The following SNX29 variants were observed in gnomAD, a reference collection of about 807,000 sequenced individuals.
The protein encoded by SNX29 is sorting nexin 29.
SNX29 carries 78 observed loss-of-function variants against 102.1 expected under a neutral mutation model. The ratio of observed to expected loss-of-function variants is 0.76; its 90% CI spans 0.64 to 0.92. SNX29 has a LOEUF of 0.92. Ranked by LOEUF, SNX29 falls within the 40% of genes least tolerant of loss-of-function variation. The pLI is 0.00. For synonymous variants in SNX29, 580 were observed against 414.5 expected (o/e 1.40, Z -4.85); for missense variants, 1,280 against 1,061.7 (o/e 1.21, Z -2.86).
chr16:12,022,410 A>G (rs2151098477), intron 3 of SNX29, among the ~76,000 whole-genome samples: 1 of 152,272 alleles, frequency 6.6e-6, no homozygotes, highest in Admixed American at 6.5e-5. Context: ...CATGTTGGCC[A>G]GGTTGGTCTT....
chr16:12,264,438 G>A (rs2078866905), intron 14 of SNX29, among the ~76,000 whole-genome samples: 2 of 152,208 alleles, frequency 1.3e-5, no homozygotes, highest in African/African-American at 4.8e-5. Context: ...TAACTCTGCT[G>A]CTTTAAGAAT....
chr16:12,168,283 C>A (rs1198272416), intron 13 of SNX29, among the ~76,000 whole-genome samples: 1 of 151,992 alleles, frequency 6.6e-6, no homozygotes, highest in East Asian at 1.9e-4. Context: ...GAGGGAGGAG[C>A]CTTTGGGGGA....
chr16:12,214,586 C>G (rs915339838), intron 14 of SNX29, among the ~76,000 whole-genome samples: 6 of 150,964 alleles, frequency 4.0e-5, no homozygotes, highest in African/African-American at 7.3e-5. Context: ...TTTTTTTTCT[C>G]AGACTGAATG....
intron 19 of SNX29, among the ~76,000 whole-genome samples, chr16:12,483,576 A>G (rs761441726): frequency 8.5e-5 from 13 of 152,126 alleles, no homozygotes; most frequent in Non-Finnish European, 1.3e-4. Context: ...CAGCCTCCCA[A>G]AGTGCTGGGA....
intron 1 of SNX29, among the ~76,000 whole-genome samples, chr16:11,990,202 T>A (rs143589193): frequency 1.1e-3 from 162 of 152,076 alleles, no homozygotes; most frequent in African/African-American, 3.2e-3. Context: ...TCATGTCGAG[T>A]TGGCTGGAAC....
At chr16:12,546,774 C>T (rs981777439) in intron 20 of SNX29, 3 of 102,792 alleles carry the variant, frequency 2.9e-5, no homozygotes, top group East Asian at 7.9e-4. Context: ...ACCTTCCATG[C>T]AACAAAGGAA....
At chr16:12,228,283 A>G (rs776756788) in intron 14 of SNX29, among the ~76,000 whole-genome samples, 7 of 152,240 alleles carry the variant, frequency 4.6e-5, no homozygotes, top group Non-Finnish European at 8.8e-5. Context: ...CACCCATGGC[A>G]GGCATCATTA....
At chr16:12,123,192 T>C (rs1052966184) in intron 11 of SNX29, among the ~76,000 whole-genome samples, 4 of 152,208 alleles carry the variant, frequency 2.6e-5, no homozygotes, top group African/African-American at 9.6e-5. Context: ...ACATGATGAT[T>C]TGATGTATCT....
intron 13 of SNX29, among the ~76,000 whole-genome samples, chr16:12,163,880 G>T (rs995880690): frequency 2.6e-5 from 4 of 152,140 alleles, no homozygotes; most frequent in African/African-American, 9.7e-5. Context: ...GGTGAGGAGA[G>T]GGTGTGTCCA....
intron 20 of SNX29, among the ~76,000 whole-genome samples, chr16:12,537,680 A>G (rs2077137541): frequency 6.6e-6 from 1 of 152,180 alleles, no homozygotes; most frequent in Admixed American, 6.5e-5. Context: ...TTTTTTAAAC[A>G]TTGGAGCATC....
chr16:12,487,534 A>G (rs372986910), intron 19 of SNX29, among the ~76,000 whole-genome samples: 2 of 152,168 alleles, frequency 1.3e-5, no homozygotes, highest in African/African-American at 4.8e-5. Context: ...AATTGAGCCG[A>G]ACTCTGCAAA....
At chr16:12,496,731 G>A (rs905425980) in intron 19 of SNX29, among the ~76,000 whole-genome samples, 8 of 151,936 alleles carry the variant, frequency 5.3e-5, no homozygotes, top group Non-Finnish European at 1.0e-4. Context: ...GGCCGATCTC[G>A]AACTCCTAAC....
chr16:12,556,495 C>T lies in SNX29; in HGVS notation c.2319-12011C>T, dbSNP rs75170225. On this transcript the variant is annotated intron_variant, in intron 20 of 20. Coordinates refer to ENST00000566228, the MANE Select transcript of SNX29 (RefSeq NM_032167.5). ...AGCACAAGGAGGAGTTAGGGCATGG[C>T]AGGCAGTCCCCGTGTTGCCAGAGGA... The T allele has an allele frequency of 2.8e-3, 424 of 152,422 alleles. 1 individual carries two copies. The highest frequency in any genetic ancestry group is 0.013 in the South Asian group (63 of 4,830). 9.4% of individuals were successfully genotyped at this position (152,422 alleles called of 1,614,324 possible). A position where few individuals can be genotyped will look rare whatever the true frequency, so the allele number is the denominator to read the frequency against.
intron 13 of SNX29, among the ~76,000 whole-genome samples, chr16:12,163,654 T>C (rs540683001): frequency 6.6e-6 from 1 of 152,122 alleles, no homozygotes; most frequent in Non-Finnish European, 1.5e-5. Context: ...TATAGAAGCT[T>C]CTTGCCCCAC....
At position 12,562,302 on chromosome 16, in the gene SNX29, C is replaced by T. The variant is rs113882822; in HGVS notation, c.2319-6204C>T. ...GCTCTATCCCAGCATCAAACGTTAT[C>T]GTTGGCTTTGTCCCAAGAACCTGCA... On this transcript the variant is annotated intron_variant, in intron 20 of 20. Coordinates refer to ENST00000566228, the MANE Select transcript of SNX29 (RefSeq NM_032167.5). 1.8e-3 allele frequency among the ~76,000 whole-genome samples: 276 copies of T among 152,306 alleles called. 2 individuals carry two copies. The highest frequency in any genetic ancestry group is 6.1e-3 in the African/African-American group (254 of 41,568).
In SNX29 at chr16:12,568,602, C is replaced by A; in HGVS notation, c.2415C>A (p.Asn805Lys). ...GGGGTCAGCCCCGGGAGACCCGCAA[C>A]GTGGAGCCCCAGAGCGGTGACCTCT... ...LSRGQPRETRNVEPQSGDL is the reference protein window; with the variant it reads ...LSRGQPRETRKVEPQSGDL Residue 805 changes from asparagine (N) to lysine (K), a missense_variant, in exon 21 of 21, where the codon AAC (asparagine) becomes AAA (lysine). Physicochemically the swap from Asn to Lys is moderately conservative, Grantham distance 94. Transcript: ENST00000566228. The A allele has an allele frequency of 6.2e-7, 1 of 1,605,446 alleles. No individual in the cohort carries two copies. Among genetic ancestry groups the A allele is most frequent in the Non-Finnish European group, 8.5e-7 (1 of 1,179,838 alleles).
intron 14 of SNX29, among the ~76,000 whole-genome samples, chr16:12,271,100 T>A (rs2079079803): frequency 1.3e-5 from 2 of 152,214 alleles, no homozygotes; most frequent in African/African-American, 4.8e-5. Context: ...GATTAAAGAC[T>A]CTACGTTGGT....
intron 19 of SNX29, among the ~76,000 whole-genome samples, chr16:12,506,981 T>C (rs1030984744): frequency 1.3e-5 from 2 of 152,262 alleles, no homozygotes; most frequent in African/African-American, 2.4e-5. Flanking sequence ...CCATGTCTTG[T>C]ATGCTTATCT....
intron 18 of SNX29, among the ~76,000 whole-genome samples, chr16:12,412,551 C>T (rs1010901330): frequency 1.3e-5 from 2 of 152,194 alleles, no homozygotes; most frequent in African/African-American, 2.4e-5. Flanking sequence ...TGATGGGTCC[C>T]TGGGAATGTG....
Sources: allele counts gnomAD v4.1 joint callset (sites outside exome capture counted in the v4.1 genomes callset), GRCh38; gene constraint gnomAD v4.1.1; transcripts MANE v1.5; gene names NCBI Gene and HGNC (gene_info 2026-07-23, HGNC 2026-07-21).